The following NFASC variants were observed in gnomAD, a reference collection of about 807,000 sequenced individuals.
NFASC encodes neurofascin homolog.
In NFASC, 43 loss-of-function variants were observed where a neutral mutation model predicts 147.5. The observed-to-expected ratio is 0.29, with a 90% CI of 0.23 to 0.38. The LOEUF (loss-of-function observed/expected upper bound fraction) is 0.38. Among genes scored for constraint, NFASC ranks in the 10% least tolerant of loss-of-function variants. The pLI, the probability that NFASC is intolerant of heterozygous loss-of-function variation, is 1.00. For synonymous variants in NFASC, 622 were observed against 665.5 expected, an observed-to-expected ratio of 0.93 and a Z score of 1.01; for missense variants, 1,320 against 1,689.0, an observed-to-expected ratio of 0.78 and a Z score of 3.83.
At chr1:204,927,197 G>GC (rs533894848) in intron 2 of NFASC, among the ~76,000 whole-genome samples, 12 of 152,020 alleles carry the variant, frequency 7.9e-5, no homozygotes, top group Non-Finnish European at 1.5e-4. Context: ...GCCACTCCCA[G>GC]CCCCCGCAAG....
intron 1 of NFASC, among the ~76,000 whole-genome samples, chr1:204,891,968 T>C (rs2082493512): frequency 6.6e-6 from 1 of 152,212 alleles, no homozygotes; most frequent in Non-Finnish European, 1.5e-5. Context: ...CATGGAGCCC[T>C]GTACCTAGCC....
intron 1 of NFASC, among the ~76,000 whole-genome samples, chr1:204,860,665 C>T (rs2076581943): frequency 6.6e-6 from 1 of 152,222 alleles, no homozygotes. Flanking sequence ...TGCTGTGCAA[C>T]CACCACCACT....
intron 1 of NFASC, among the ~76,000 whole-genome samples, chr1:204,918,354 A>AT (rs1371948147): frequency 1.3e-5 from 2 of 151,972 alleles, no homozygotes; most frequent in Non-Finnish European, 2.9e-5. Context: ...CAAAACATGG[A>AT]TTTTTTTGCA....
chr1:204,966,097 C>T (rs1471201664), intron 8 of NFASC, among the ~76,000 whole-genome samples: 1 of 152,122 alleles, frequency 6.6e-6, no homozygotes, highest in Non-Finnish European at 1.5e-5. Flanking sequence ...TTTTTTTGAA[C>T]TTTGGCTTGT....
intron 29 of NFASC, among the ~76,000 whole-genome samples, chr1:205,013,657 G>A (rs561853443): frequency 5.3e-5 from 8 of 152,284 alleles, no homozygotes; most frequent in Non-Finnish European, 7.4e-5. Context: ...TGGAGATGGC[G>A]AGTATGTTCT....
chr1:204,850,664 T>C (rs1363047729), intron 1 of NFASC, among the ~76,000 whole-genome samples: 1 of 152,222 alleles, frequency 6.6e-6, no homozygotes, highest in East Asian at 1.9e-4. Context: ...TGCTCCGCCA[T>C]GGTAAGACGC....
intron 8 of NFASC, among the ~76,000 whole-genome samples, chr1:204,959,945 G>C (rs1378107467): frequency 2.6e-5 from 4 of 152,318 alleles, no homozygotes; most frequent in Non-Finnish European, 1.5e-5. Flanking sequence ...AGACCCCCTA[G>C]GTGATTGGAA....
intron 2 of NFASC, among the ~76,000 whole-genome samples, chr1:204,938,122 A>G (rs2093032616): frequency 6.6e-6 from 1 of 152,208 alleles, no homozygotes; most frequent in South Asian, 2.1e-4. Context: ...CCCGATGGCG[A>G]CAGCTCGTGG....
chr1:204,867,479 CCA>C (rs2077209589), intron 1 of NFASC, among the ~76,000 whole-genome samples: 1 of 150,190 alleles, frequency 6.7e-6, no homozygotes, highest in Admixed American at 6.7e-5. Flanking sequence ...ATATTCAATA[CCA>C]CACACATGTC....
intron 27 of NFASC, among the ~76,000 whole-genome samples, chr1:205,005,367 G>A (rs1031294737): frequency 3.3e-5 from 5 of 152,210 alleles, no homozygotes; most frequent in Non-Finnish European, 7.3e-5. Context: ...CTGCTTTGCA[G>A]GTGTATTGCC....
In NFASC at chr1:204,947,912, ACACT is replaced by A. The variant is rs545144524; in HGVS notation, c.92-2641_92-2638del. ...CACGCTCACACCTGCTCACTCATGC[ACACT>A]CACACCCACTCACACTCACACCCTC... On this transcript the variant is annotated intron_variant, in intron 3 of 29. Coordinates refer to ENST00000339876, the MANE Select transcript of NFASC (RefSeq NM_001005388.3). Among the ~76,000 whole-genome samples, 4 of 152,166 alleles carry A rather than the reference ACACT, an allele frequency of 2.6e-5. No homozygotes were observed. In the East Asian group the frequency reaches 7.7e-4, roughly 29 times the overall value.
chr1:204,860,302 G>A (rs943788613), intron 1 of NFASC, among the ~76,000 whole-genome samples: 5 of 152,156 alleles, frequency 3.3e-5, no homozygotes. Flanking sequence ...TTTCCAACAT[G>A]CCTGTCTCTA....
Position 204,985,875 on chromosome 1 carries a change from G to T in NFASC, c.2471-1543G>T, listed in dbSNP as rs745370561. The stretch of plus-strand genomic sequence containing the variant: ...ACTAACAACTAACCCAGCCCTGCCT[G>T]CCTGACCCCTCACCAGCCTGCCTCT... On this transcript the variant is annotated intron_variant, in intron 21 of 29. Coordinates refer to ENST00000339876, the MANE Select transcript of NFASC (RefSeq NM_001005388.3). 8 of 1,483,148 alleles carry T rather than the reference G, an allele frequency of 5.4e-6. No homozygotes were observed. In the East Asian group the frequency reaches 1.2e-4, roughly 21 times the overall value. The allele number at this position is 1,483,148 out of a possible 1,614,324, so 91.9% of individuals were successfully genotyped here.
At chr1:204,856,382 G>GGTGTGTGTGTGTGTGTGTGTGT (rs57653534) in intron 1 of NFASC, among the ~76,000 whole-genome samples, 3 of 139,692 alleles carry the variant, frequency 2.1e-5, no homozygotes, top group Admixed American at 7.2e-5. Context: ...ATGCAGAACA[G>GGTGTGTGTGTGTGTGTGTGTGT]GTGTGTGTGT....
intron 1 of NFASC, among the ~76,000 whole-genome samples, chr1:204,847,061 T>C (rs933427863): frequency 2.0e-5 from 3 of 151,910 alleles, no homozygotes; most frequent in Non-Finnish European, 4.4e-5. Flanking sequence ...GGGGCCTGGT[T>C]TTGGGTTGAG....
chr1:204,992,052 G>T (rs974150768), intron 24 of NFASC, among the ~76,000 whole-genome samples: 5 of 152,208 alleles, frequency 3.3e-5, no homozygotes, highest in African/African-American at 7.2e-5. Context: ...TGCTAATCAA[G>T]TTACTCCTCT....
At chr1:204,860,993 G>GT (rs71782689) in intron 1 of NFASC, among the ~76,000 whole-genome samples, 30,295 of 141,024 alleles carry the variant, frequency 0.21, 4,917 homozygotes, top group East Asian at 0.55. Flanking sequence ...GACCATTTGG[G>GT]TTTTTTTTTC....
chr1:204,923,213 T>A (rs1247938859), intron 2 of NFASC, among the ~76,000 whole-genome samples: 1 of 152,178 alleles, frequency 6.6e-6, no homozygotes, highest in African/African-American at 2.4e-5. Flanking sequence ...GGGCTGCAGG[T>A]GTGAGCTCTG....
intron 1 of NFASC, among the ~76,000 whole-genome samples, chr1:204,915,724 G>A (rs1222094255): frequency 2.0e-5 from 3 of 152,192 alleles, no homozygotes; most frequent in Non-Finnish European, 2.9e-5. Context: ...TATTCAAGGG[G>A]TAGAGGCACA....
Sources: gnomAD v4.1 joint callset for allele counts (sites outside exome capture counted in the v4.1 genomes callset) on GRCh38, gnomAD v4.1.1 for gene constraint, MANE v1.5 for transcripts, NCBI Gene and HGNC (gene_info 2026-07-23, HGNC 2026-07-21) for gene names.